The following KYAT1 variants were observed in gnomAD, a reference collection of about 807,000 sequenced individuals.
KYAT1 encodes kynurenine aminotransferase 1.
In KYAT1, 47 loss-of-function variants were observed where a neutral mutation model predicts 52.4. The ratio of observed to expected loss-of-function variants is 0.90; its 90% CI spans 0.71 to 1.14. KYAT1 has a LOEUF of 1.14. Ranked by LOEUF, KYAT1 falls within the 50% of genes most tolerant of loss-of-function variation. The pLI is 0.00. For missense variants in KYAT1, 480 were observed against 557.9 expected (o/e 0.86, Z 1.41); for synonymous variants, 212 against 209.6 (o/e 1.01, Z -0.10).
intron 1 of KYAT1, among the ~76,000 whole-genome samples, chr9:128,872,427 G>A (rs1171064003): frequency 6.6e-6 from 1 of 151,818 alleles, no homozygotes; most frequent in Admixed American, 6.6e-5. Context: ...CTGGGTGACA[G>A]AGCGAGACTC....
chr9:128,848,681 G>A (rs1334384384), intron 1 of KYAT1, among the ~76,000 whole-genome samples: 1 of 152,074 alleles, frequency 6.6e-6, no homozygotes, highest in African/African-American at 2.4e-5. Context: ...AGCCAGGCAT[G>A]GTGGTGTGCA....
chr9:128,845,272 T>A (rs1832882211), intron 2 of KYAT1, 81 bp downstream of exon 2: 4 of 1,109,678 alleles, frequency 3.6e-6, no homozygotes, highest in Admixed American at 1.8e-5. Context: ...TCTGGAGTAC[T>A]ACTGAGTTGC....
At chr9:128,840,556 C>A (rs768293131) in intron 3 of KYAT1, 22 of 408,168 alleles carry the variant, frequency 5.4e-5, no homozygotes, top group Non-Finnish European at 9.9e-5. Context: ...CAGCTTTTGT[C>A]TCTAGTTAAA....
intron 1 of KYAT1, among the ~76,000 whole-genome samples, chr9:128,863,468 A>C (rs910345600): frequency 1.2e-4 from 18 of 151,416 alleles, no homozygotes; most frequent in South Asian, 2.1e-4. Context: ...CCCTTTCTCT[A>C]CAAAAAAAAA....
intron 1 of KYAT1, among the ~76,000 whole-genome samples, chr9:128,863,646 G>C (rs893972353): frequency 6.6e-6 from 1 of 152,168 alleles, no homozygotes; most frequent in African/African-American, 2.4e-5. Flanking sequence ...AAGAGCAGAA[G>C]GGTACAGGGG....
rs1345034534 is a variant in KYAT1, at chr9:128,835,360, T to C, written c.1085A>G (p.Tyr362Cys). 1.3e-5 allele frequency: 21 copies of C among 1,613,830 alleles called. No individual in the cohort carries two copies. The highest frequency in any genetic ancestry group is 1.2e-4 in the Admixed American group (7 of 59,966). ...CATCCACTTGACGAAGCGTCTGTCATAGGGCTCATCCACAGCTCCAGGCAA... is the reference window on the plus strand; with the variant it reads ...CATCCACTTGACGAAGCGTCTGTCACAGGGCTCATCCACAGCTCCAGGCAA... ...PDLPGAVDEP[Y>C]DRRFVKWMIK... The change falls in exon 11 of 13, where the codon TAT becomes TGT. Residue 362 changes from tyrosine to cysteine, a missense_variant. Transcript: ENST00000302586.
At chr9:128,842,223 T>C in intron 3 of KYAT1, 1 of 194,134 alleles carries the variant, frequency 5.2e-6, no homozygotes, top group Non-Finnish European at 1.1e-5. Context: ...GAACCACTGT[T>C]CTAATCCAAG....
intron 1 of KYAT1, among the ~76,000 whole-genome samples, chr9:128,848,318 C>CAAAA (rs56157823): frequency 3.1e-4 from 23 of 73,580 alleles, no homozygotes; most frequent in East Asian, 1.1e-3. Context: ...AGATATGTCT[C>CAAAA]AAAAAAAAAA....
intron 1 of KYAT1, among the ~76,000 whole-genome samples, chr9:128,880,162 G>A (rs1339260624): frequency 6.6e-6 from 1 of 152,176 alleles, no homozygotes; most frequent in Non-Finnish European, 1.5e-5. Flanking sequence ...GCGGGGACAT[G>A]GAGGCCCACG....
intron 1 of KYAT1, among the ~76,000 whole-genome samples, chr9:128,850,271 T>C (rs945523743): frequency 2.0e-5 from 3 of 152,130 alleles, no homozygotes; most frequent in Non-Finnish European, 4.4e-5. Flanking sequence ...ACTGTTACTG[T>C]GTCTATGTAG....
At chr9:128,839,090 A>G (rs946217440) in intron 3 of KYAT1, among the ~76,000 whole-genome samples, 8 of 151,844 alleles carry the variant, frequency 5.3e-5, no homozygotes, top group African/African-American at 1.7e-4. Flanking sequence ...CAGCCTCCCA[A>G]GTAGCTGGGA....
intron 1 of KYAT1, among the ~76,000 whole-genome samples, chr9:128,849,490 C>T (rs1833615717): frequency 6.6e-6 from 1 of 151,428 alleles, no homozygotes; most frequent in African/African-American, 2.4e-5. Context: ...AACTAAATAT[C>T]CACATGTAAA....
chr9:128,852,601 C>T (rs111759701), intron 1 of KYAT1, among the ~76,000 whole-genome samples: 31 of 152,244 alleles, frequency 2.0e-4, no homozygotes, highest in African/African-American at 5.8e-4. Context: ...ATGTTGCAAA[C>T]GCAGGACTGA....
intron 1 of KYAT1, among the ~76,000 whole-genome samples, chr9:128,854,512 C>T (rs912084866): frequency 6.6e-6 from 1 of 152,128 alleles, no homozygotes; most frequent in African/African-American, 2.4e-5. Context: ...AGTTGCCATC[C>T]ACCAAAAAAG....
chr9:128,843,454 C>T (rs1016641835), intron 2 of KYAT1, among the ~76,000 whole-genome samples: 3 of 151,478 alleles, frequency 2.0e-5, no homozygotes, highest in Non-Finnish European at 4.4e-5. Flanking sequence ...TCTCAACTCA[C>T]TGCAACCTCC....
rs35785668 is a variant in KYAT1, at chr9:128,834,831, C to CAAA, written c.1122+489_1122+491dup. ...TAGGCGACAGAGTGAGACTCTGTCT[C>CAAA]AAAAAAAAAAAAAAAAAAAAAAAGG... On this transcript the variant is annotated intron_variant, in intron 11 of 12. Transcript: ENST00000302586. Among the ~76,000 whole-genome samples, 157 of 25,802 alleles carry CAAA rather than the reference C, an allele frequency of 6.1e-3. 15 individuals are homozygous for CAAA. The highest frequency in any genetic ancestry group is 0.021 in the African/African-American group (130 of 6,202). The allele number at this position is 25,802 out of a possible 152,430, so 16.9% of individuals were successfully genotyped here. A position where few individuals can be genotyped will look rare whatever the true frequency, so the allele number is the denominator to read the frequency against.
At chr9:128,856,879 C>T (rs767036303) in intron 1 of KYAT1, among the ~76,000 whole-genome samples, 3 of 152,216 alleles carry the variant, frequency 2.0e-5, no homozygotes, top group Non-Finnish European at 4.4e-5. Context: ...GCCCAACACC[C>T]GTAAAGGGTC....
intron 7 of KYAT1, among the ~76,000 whole-genome samples, chr9:128,836,585 C>A (rs1450288082): frequency 6.6e-6 from 1 of 152,176 alleles, no homozygotes; most frequent in Non-Finnish European, 1.5e-5. Context: ...AGGTGTGACC[C>A]ACCATGCTCG....
intron 1 of KYAT1, among the ~76,000 whole-genome samples, chr9:128,869,576 T>C (rs982916892): frequency 6.6e-6 from 1 of 152,094 alleles, no homozygotes; most frequent in Admixed American, 6.6e-5. Flanking sequence ...TCTACAAAAA[T>C]TAACTCAAAA....
Sources: gnomAD v4.1 joint callset for allele counts (sites outside exome capture counted in the v4.1 genomes callset) on GRCh38, gnomAD v4.1.1 for gene constraint, MANE v1.5 for transcripts, NCBI Gene and HGNC (gene_info 2026-07-23, HGNC 2026-07-21) for gene names.